MAP3K19: variants seen among roughly 807,000 people sequenced by gnomAD.
The protein encoded by MAP3K19 is mitogen-activated protein kinase kinase kinase 19.
MAP3K19 carries 91 observed loss-of-function variants against 114.4 expected under a neutral mutation model. The ratio of observed to expected loss-of-function variants is 0.80; its 90% CI spans 0.67 to 0.95. MAP3K19 has a LOEUF of 0.95. Among genes scored for constraint, MAP3K19 ranks in the 40% least tolerant of loss-of-function variants. The pLI is 0.00. For synonymous variants in MAP3K19, 518 were observed against 530.5 expected (o/e 0.98, Z 0.32); for missense variants, 1,471 against 1,573.2 (o/e 0.94, Z 1.10).
intron 12 of MAP3K19, among the ~76,000 whole-genome samples, chr2:134,968,900 AGAC>A (rs1441530471): frequency 6.8e-6 from 1 of 147,228 alleles, no homozygotes; most frequent in Non-Finnish European, 1.5e-5. Context: ...CTCACATCCC[AGAC>A]GATGGGCGGC....
chr2:135,008,572 C>T (rs765392450), intron 5 of MAP3K19, among the ~76,000 whole-genome samples: 42 of 152,216 alleles, frequency 2.8e-4, no homozygotes, highest in Non-Finnish European at 4.4e-4. Flanking sequence ...GAGTAGATCC[C>T]TAGATATGGA....
intron 12 of MAP3K19, among the ~76,000 whole-genome samples, chr2:134,970,790 G>T (rs567398923): frequency 7.5e-4 from 114 of 151,904 alleles, no homozygotes; most frequent in Admixed American, 1.5e-3. Flanking sequence ...GTAGAGATGG[G>T]GTTTCACTGT....
At chr2:135,018,239 C>T (rs568365060) in intron 5 of MAP3K19, among the ~76,000 whole-genome samples, 5 of 136,154 alleles carry the variant, frequency 3.7e-5, no homozygotes, top group East Asian at 2.1e-4. Context: ...TGTGGTGAGC[C>T]GAGATCGAGC....
rs1478807272 is a variant in MAP3K19, at chr2:135,024,627, T to G, written c.21A>C (p.Pro7=). 3.1e-6 allele frequency: 5 copies of G among 1,613,592 alleles called. No individual in the cohort carries two copies. The highest frequency in any genetic ancestry group is 3.4e-6 in the Non-Finnish European group (4 of 1,179,634). Residue 7 remains proline, a splice_region_variant and synonymous_variant, in exon 4 of 13, where the codon CCA becomes CCC. Coordinates refer to ENST00000392915, the MANE Select transcript of MAP3K19 (RefSeq NM_025052.5). MSSMPK[P]ERHAESLLDI... is the part of the protein sequence containing the mutation. The stretch of plus-strand genomic sequence containing the variant: ...TGCATGTGGAGTGAAAGTATTTACC[T>G]GGTTTTGGCATAGAACTCATTAAAA...
intron 4 of MAP3K19, chr2:135,023,733 A>C (rs1188820568): frequency 2.7e-6 from 1 of 370,454 alleles, no homozygotes; most frequent in Admixed American, 3.5e-5. Flanking sequence ...CCAAGGACAC[A>C]TTCCCTAGTT....
rs115311035 is a variant in MAP3K19, at chr2:135,013,890, C to G, written c.138+7825G>C. ...TCTCTTGATCCTCTGAGTCACAGAT[C>G]CTATTTTTTCCTCTTTCTTTATTTA... On this transcript the variant is annotated intron_variant, in intron 5 of 12. Coordinates refer to ENST00000392915, the MANE Select transcript of MAP3K19 (RefSeq NM_025052.5). Among the ~76,000 whole-genome samples the G allele has an allele frequency of 2.7e-3, 404 of 152,264 alleles. 2 individuals carry two copies. Among genetic ancestry groups the G allele is most frequent in the Non-Finnish European group, 4.6e-3 (314 of 68,018 alleles).
intron 2 of MAP3K19, among the ~76,000 whole-genome samples, chr2:135,039,418 C>A (rs1359406825): frequency 8.3e-6 from 1 of 121,208 alleles, no homozygotes; most frequent in Non-Finnish European, 1.6e-5. Context: ...CCCCATGTCT[C>A]CAAAAAAAAA....
intron 1 of MAP3K19, among the ~76,000 whole-genome samples, chr2:135,042,515 A>AAAG (rs1553435515): frequency 3.9e-4 from 57 of 147,892 alleles, no homozygotes; most frequent in African/African-American, 1.3e-3. Context: ...AAAAAAAAAA[A>AAAG]AAAAGAAAAA....
chr2:134,968,919 A>G (rs1377855044), intron 12 of MAP3K19, among the ~76,000 whole-genome samples: 1 of 151,538 alleles, frequency 6.6e-6, no homozygotes, highest in African/African-American at 2.4e-5. Context: ...GCGGCCAGGC[A>G]GAGACGCTCC....
chr2:135,023,187 T>C (rs1034197020), intron 4 of MAP3K19: 1 of 284,480 alleles, frequency 3.5e-6, no homozygotes, highest in South Asian at 3.5e-5. Flanking sequence ...CATCCTGCCA[T>C]TGAAACGTCT....
intron 4 of MAP3K19, chr2:135,023,466 G>T (rs771603329): frequency 3.8e-6 from 2 of 533,274 alleles, no homozygotes; most frequent in Non-Finnish European, 7.7e-6. Context: ...CCTTTCAACC[G>T]GTCCTTTCCC....
chr2:134,997,342 G>T (rs1573979453), intron 8 of MAP3K19, among the ~76,000 whole-genome samples: 1 of 152,096 alleles, frequency 6.6e-6, no homozygotes, highest in African/African-American at 2.4e-5. Flanking sequence ...TGGGAGAGTG[G>T]GAAATATAGA....
At chr2:135,044,540 A>T (rs1330068702) in intron 1 of MAP3K19, among the ~76,000 whole-genome samples, 1 of 152,238 alleles carries the variant, frequency 6.6e-6, no homozygotes, top group Non-Finnish European at 1.5e-5. Flanking sequence ...CAGTGAGCTG[A>T]GATTGCACCA....
chr2:134,982,131 T>TTTTTTGTTTG, intron 11 of MAP3K19, among the ~76,000 whole-genome samples: 1 of 141,458 alleles, frequency 7.1e-6, no homozygotes, highest in African/African-American at 2.6e-5. Flanking sequence ...TTTTTTTTTT[T>TTTTTTGTTTG]TTTGGAGACA....
intron 5 of MAP3K19, among the ~76,000 whole-genome samples, chr2:135,011,565 T>G: frequency 1.4e-5 from 2 of 143,348 alleles, no homozygotes; most frequent in East Asian, 2.1e-4. Context: ...GTCTTAAAGT[T>G]GCCTCAAAAA....
chr2:135,005,018 A>G (rs1686716091), intron 6 of MAP3K19, among the ~76,000 whole-genome samples: 1 of 152,194 alleles, frequency 6.6e-6, no homozygotes, highest in Non-Finnish European at 1.5e-5. Flanking sequence ...GCCAGAGAGC[A>G]TTTGCCTATT....
intron 2 of MAP3K19, among the ~76,000 whole-genome samples, chr2:135,032,617 T>G (rs1574053259): frequency 3.3e-5 from 5 of 151,222 alleles, no homozygotes; most frequent in African/African-American, 1.2e-4. Context: ...TTTATTTTAT[T>G]TATTTATTTT....
At chr2:135,010,321 A>G (rs969590716) in intron 5 of MAP3K19, among the ~76,000 whole-genome samples, 6 of 152,232 alleles carry the variant, frequency 3.9e-5, no homozygotes, top group African/African-American at 1.4e-4. Flanking sequence ...ACGGAAGTGA[A>G]GACTCAAACA....
At chr2:134,966,538 G>C (rs1163140428) in intron 12 of MAP3K19, among the ~76,000 whole-genome samples, 2 of 152,198 alleles carry the variant, frequency 1.3e-5, no homozygotes, top group Non-Finnish European at 2.9e-5. Context: ...CTCCTGATTA[G>C]AGGAAGAGCC....
Sources: allele counts gnomAD v4.1 joint callset (sites outside exome capture counted in the v4.1 genomes callset), GRCh38; gene constraint gnomAD v4.1.1; transcripts MANE v1.5; gene names NCBI Gene and HGNC (gene_info 2026-07-23, HGNC 2026-07-21).